PCDHGB2: variants seen among roughly 807,000 people sequenced by gnomAD.
PCDHGB2 encodes protocadherin gamma-B2.
In PCDHGB2, 55 loss-of-function variants were observed where a neutral mutation model predicts 59.3. The observed-to-expected ratio is 0.93, with a 90% CI of 0.75 to 1.16. The LOEUF (loss-of-function observed/expected upper bound fraction) is 1.16. Among genes scored for constraint, PCDHGB2 ranks in the 50% most tolerant of loss-of-function variants. The pLI is 0.00. For synonymous variants in PCDHGB2, 516 were observed against 512.0 expected, an observed-to-expected ratio of 1.01 and a Z score of -0.11; for missense variants, 1,228 against 1,198.5, an observed-to-expected ratio of 1.02 and a Z score of -0.36.
chr5:141,398,813 G>A (rs779872602), intron 1 of PCDHGB2: 11 of 1,613,838 alleles, frequency 6.8e-6, no homozygotes, highest in Admixed American at 3.3e-5. Flanking sequence ...ACTGAGCTCC[G>A]GATCCAGGTA....
chr5:141,491,980 C>T lies in PCDHGB2; in HGVS notation c.2422-2827C>T. ...AAAAAAGGCCGGGGCCTCCTTCGAG[C>T]TTCCGGTGAATTTCGGGCGATTTCC... On this transcript the variant is annotated intron_variant, in intron 1 of 3. Transcript: ENST00000522605. The surrounding 1 kb of genome is among the most constrained non-coding windows in gnomAD (Gnocchi z 6.9). The T allele has an allele frequency of 2.5e-6, 2 of 784,432 alleles. No individual in the cohort carries two copies. The highest frequency in any genetic ancestry group is 3.8e-6 in the Non-Finnish European group (2 of 530,588). 48.6% of individuals were successfully genotyped at this position (784,432 alleles called of 1,614,324 possible). A position where few individuals can be genotyped will look rare whatever the true frequency, so the allele number is the denominator to read the frequency against.
At chr5:141,392,847 G>A (rs759327251) in intron 1 of PCDHGB2, 2 of 1,610,450 alleles carry the variant, frequency 1.2e-6, no homozygotes, top group Non-Finnish European at 1.7e-6. Context: ...CAGACGCGGC[G>A]AGCTGATCCT....
chr5:141,370,916 T>C, intron 1 of PCDHGB2: 1 of 1,614,016 alleles, frequency 6.2e-7, no homozygotes, highest in Non-Finnish European at 8.5e-7. Context: ...ACCTCAGCCC[T>C]GATCCGCACT....
At chr5:141,478,498 G>T in intron 1 of PCDHGB2, 1 of 1,612,710 alleles carries the variant, frequency 6.2e-7, no homozygotes, top group South Asian at 1.1e-5. Context: ...GCTGTGATCC[G>T]GTGTTCTATA....
chr5:141,398,584 A>T lies in PCDHGB2; in HGVS notation c.2421+36028A>T, dbSNP rs201021035. On this transcript the variant is annotated intron_variant, in intron 1 of 3. Transcript: ENST00000522605. Reference sequence around the variant, plus strand: ...GTCTGCACAGCCTGGCACAAGATTTATACTAGAAGTAGCAGAAGATGCAGA... The same window carrying T: ...GTCTGCACAGCCTGGCACAAGATTTTTACTAGAAGTAGCAGAAGATGCAGA... 1.9e-6 allele frequency: 3 copies of T among 1,614,066 alleles called. No homozygotes were observed. In the South Asian group the frequency reaches 3.3e-5, roughly 18 times the overall value.
intron 1 of PCDHGB2, chr5:141,414,676 CA>C (rs779931467): frequency 5.6e-5 from 91 of 1,613,916 alleles, no homozygotes; most frequent in Middle Eastern, 1.6e-4. Context: ...AGACACCATC[CA>C]GGGGGTACCT....
chr5:141,509,809 A>G (rs13163163), intron 3 of PCDHGB2, among the ~76,000 whole-genome samples: 35,240 of 151,962 alleles, frequency 0.23, 4,247 homozygotes, highest in Admixed American at 0.33. Context: ...CATAGAGCCG[A>G]GCTCTTCTCC....
chr5:141,475,572 C>T (rs2099365596), intron 1 of PCDHGB2, among the ~76,000 whole-genome samples: 1 of 152,214 alleles, frequency 6.6e-6, no homozygotes, highest in South Asian at 2.1e-4. Context: ...TTCCAACAAG[C>T]CAGATTTGTT....
chr5:141,470,872 T>G, intron 1 of PCDHGB2, among the ~76,000 whole-genome samples: 1 of 151,814 alleles, frequency 6.6e-6, no homozygotes, highest in East Asian at 1.9e-4. Context: ...GTTTGTTTGT[T>G]TTTTTGTTTT....
intron 1 of PCDHGB2, chr5:141,408,303 G>T: frequency 1.2e-6 from 2 of 1,613,794 alleles, no homozygotes; most frequent in South Asian, 1.1e-5. Context: ...GAGCCGATCC[G>T]CTACTCGATT....
chr5:141,500,493 G>A (rs1239876467), intron 2 of PCDHGB2, among the ~76,000 whole-genome samples: 1 of 152,166 alleles, frequency 6.6e-6, no homozygotes, highest in Admixed American at 6.5e-5. Context: ...ACAGGCGTGA[G>A]CCACCGCGCC....
At chr5:141,417,027 GGT>G (rs1491367168) in intron 1 of PCDHGB2, 2 of 134,514 alleles carry the variant, frequency 1.5e-5, no homozygotes, top group Non-Finnish European at 3.1e-5. Flanking sequence ...GAAAAATACA[GGT>G]TTTTTTTTTA....
rs138463062 is a variant in PCDHGB2 at position 141,485,217 on chromosome 5, C to G, written c.2422-9590C>G. 6.8e-6 allele frequency: 11 copies of G among 1,613,996 alleles called. No individual in the cohort carries two copies. Among genetic ancestry groups the G allele is most frequent in the Non-Finnish European group, 9.3e-6 (11 of 1,179,978 alleles). ...AGCTGGACAGAAATCTGGCGGTGGGCTACCCTTTTGTTCCTCTTTTACCAC... is the reference window on the plus strand; with the variant it reads ...AGCTGGACAGAAATCTGGCGGTGGGGTACCCTTTTGTTCCTCTTTTACCAC... On this transcript the variant is annotated intron_variant, in intron 1 of 3. Coordinates refer to ENST00000522605, the MANE Select transcript of PCDHGB2 (RefSeq NM_018923.3). This position sits in a 1 kb window ranked among gnomAD's most constrained non-coding sequence, Gnocchi z 5.7.
intron 1 of PCDHGB2, among the ~76,000 whole-genome samples, chr5:141,464,966 T>C (rs192224238): frequency 1.2e-3 from 178 of 152,274 alleles, no homozygotes; most frequent in Middle Eastern, 3.4e-3. Flanking sequence ...TGTCTTGAAC[T>C]ACTGGCTTCA....
At chr5:141,380,251 G>C (rs1158039296) in intron 1 of PCDHGB2, among the ~76,000 whole-genome samples, 1 of 152,122 alleles carries the variant, frequency 6.6e-6, no homozygotes, top group Non-Finnish European at 1.5e-5. Context: ...AATTGTCAAA[G>C]GGGAAGGAGT....
At chr5:141,500,469 AAAG>A (rs1479386829) in intron 2 of PCDHGB2, among the ~76,000 whole-genome samples, 1 of 152,052 alleles carries the variant, frequency 6.6e-6, no homozygotes, top group Non-Finnish European at 1.5e-5. Context: ...TCGGCCTCCC[AAAG>A]TGCTGGGATT....
chr5:141,367,025 G>T, intron 1 of PCDHGB2: 2 of 394,068 alleles, frequency 5.1e-6, no homozygotes, highest in Non-Finnish European at 9.0e-6. Context: ...TTGTTATATT[G>T]GAACTGCAGT....
chr5:141,413,043 C>A, intron 1 of PCDHGB2: 1 of 864,340 alleles, frequency 1.2e-6, no homozygotes, highest in Non-Finnish European at 1.7e-6. Flanking sequence ...TGCTGGGCTG[C>A]AGGGAAGCTC....
At chr5:141,445,207 AAAGT>A (rs1322618652) in intron 1 of PCDHGB2, among the ~76,000 whole-genome samples, 1 of 152,196 alleles carries the variant, frequency 6.6e-6, no homozygotes, top group Non-Finnish European at 1.5e-5. Flanking sequence ...ATGCTTTTGA[AAAGT>A]AAGAGGTGCA....
Sources: gnomAD v4.1 joint callset for allele counts (sites outside exome capture counted in the v4.1 genomes callset) on GRCh38, gnomAD v4.1.1 for gene constraint, Gnocchi (gnomAD v3.1) non-coding constraint, MANE v1.5 for transcripts, NCBI Gene and HGNC (gene_info 2026-07-23, HGNC 2026-07-21) for gene names.